CABCOCO1: variants seen among roughly 807,000 people sequenced by gnomAD.
CABCOCO1 encodes the protein ciliary-associated calcium-binding coiled-coil protein 1.
Under a neutral mutation model 35.7 loss-of-function variants are expected in CABCOCO1, and 28 were observed. The ratio of observed to expected loss-of-function variants is 0.78; its 90% CI spans 0.58 to 1.07. CABCOCO1 has a LOEUF of 1.07. Ranked by LOEUF, CABCOCO1 falls within the 50% of genes least tolerant of loss-of-function variation. CABCOCO1 has a pLI of 0.00. For synonymous variants in CABCOCO1, 95 were observed against 100.1 expected (o/e 0.95, Z 0.30); for missense variants, 326 against 309.2 (o/e 1.05, Z -0.41).
chr10:61,674,532 C>T (rs577648886), intron 2 of CABCOCO1, among the ~76,000 whole-genome samples: 1 of 152,244 alleles, frequency 6.6e-6, no homozygotes, highest in East Asian at 1.9e-4. Flanking sequence ...CGGTCACTCA[C>T]TTTCAATTTA....
intron 5 of CABCOCO1, among the ~76,000 whole-genome samples, chr10:61,703,906 G>C (rs1425664518): frequency 6.6e-6 from 1 of 152,086 alleles, no homozygotes; most frequent in African/African-American, 2.4e-5. Context: ...TAAGTTTTCT[G>C]TTGGTTTTAA....
intron 5 of CABCOCO1, among the ~76,000 whole-genome samples, chr10:61,737,664 C>T (rs199519141): frequency 1.8e-4 from 28 of 152,180 alleles, no homozygotes; most frequent in Middle Eastern, 6.8e-3. Flanking sequence ...GGAACGTGGT[C>T]GGAGCCAAAG....
chr10:61,704,710 T>G (rs1475632460), intron 5 of CABCOCO1, among the ~76,000 whole-genome samples: 1 of 152,152 alleles, frequency 6.6e-6, no homozygotes, highest in African/African-American at 2.4e-5. Context: ...ATTTGTTACA[T>G]AGCAATAGAT....
intron 7 of CABCOCO1, among the ~76,000 whole-genome samples, chr10:61,764,824 G>A (rs958396419): frequency 6.6e-6 from 1 of 151,974 alleles, no homozygotes; most frequent in African/African-American, 2.4e-5. Context: ...AGAATTGTTG[G>A]CACACATACG....
At chr10:61,688,545 G>C (rs1031851939) in intron 4 of CABCOCO1, among the ~76,000 whole-genome samples, 1 of 152,112 alleles carries the variant, frequency 6.6e-6, no homozygotes. Context: ...TACTTCTGCA[G>C]CTTTTTAGTA....
intron 5 of CABCOCO1, among the ~76,000 whole-genome samples, chr10:61,727,342 G>A (rs1841181115): frequency 6.6e-6 from 1 of 152,084 alleles, no homozygotes; most frequent in African/African-American, 2.4e-5. Context: ...AGAGAAAGAT[G>A]TATAAATTGT....
At chr10:61,697,624 A>G (rs1160325030) in intron 5 of CABCOCO1, among the ~76,000 whole-genome samples, 1 of 152,114 alleles carries the variant, frequency 6.6e-6, no homozygotes, top group Non-Finnish European at 1.5e-5. Context: ...GGGACATTTT[A>G]TTCTGTATAT....
intron 5 of CABCOCO1, chr10:61,701,877 A>G (rs1840467465): frequency 1.2e-5 from 11 of 886,362 alleles, no homozygotes; most frequent in Non-Finnish European, 1.5e-5. Flanking sequence ...CTAGCAAGAT[A>G]AAGAAGAGAT....
At position 61,680,724 on chromosome 10, in the gene CABCOCO1, A is replaced by AATG. The variant is rs1839761139; in HGVS notation, c.165-419_165-418insATG. 3.9e-5 allele frequency among the ~76,000 whole-genome samples: 4 copies of AATG among 103,712 alleles called. 1 individual carries two copies. The Admixed American group carries it at 4.1e-4, about 11-fold the overall frequency. 68.0% of individuals were successfully genotyped at this position (103,712 alleles called of 152,430 possible). ...TATGTTATACATGTATAACATATAT[A>AATG]TTATATATATAATATATATATCTCA... On this transcript the variant is annotated intron_variant, in intron 2 of 7. Transcript: ENST00000648843.
chr10:61,693,265 T>C (rs1840202524), intron 5 of CABCOCO1, among the ~76,000 whole-genome samples: 1 of 152,172 alleles, frequency 6.6e-6, no homozygotes, highest in Admixed American at 6.6e-5. Context: ...TAGAAGTGTT[T>C]GCTAACCCTT....
intron 5 of CABCOCO1, among the ~76,000 whole-genome samples, chr10:61,746,110 C>G (rs117647354): frequency 6.6e-6 from 1 of 152,160 alleles, no homozygotes; most frequent in Non-Finnish European, 1.5e-5. Flanking sequence ...TGGCCAGCAA[C>G]CTTAGCCCTT....
chr10:61,665,278 G>C (rs1453967326), intron 1 of CABCOCO1, among the ~76,000 whole-genome samples: 1 of 152,188 alleles, frequency 6.6e-6, no homozygotes, highest in Non-Finnish European at 1.5e-5. Context: ...TGAACAAGCA[G>C]ATATGAGATG....
intron 1 of CABCOCO1, among the ~76,000 whole-genome samples, chr10:61,671,947 T>A (rs1387991882): frequency 2.0e-5 from 3 of 152,232 alleles, no homozygotes; most frequent in African/African-American, 7.2e-5. Context: ...ATTTGTTGAA[T>A]CATTAAATTT....
intron 5 of CABCOCO1, among the ~76,000 whole-genome samples, chr10:61,745,331 T>C (rs1182037230): frequency 6.6e-6 from 1 of 152,172 alleles, no homozygotes; most frequent in Non-Finnish European, 1.5e-5. Context: ...ATACCACTTA[T>C]TCCTCTGGCT....
At position 61,729,686 on chromosome 10, in the gene CABCOCO1, T is replaced by C. The variant is rs186310971; in HGVS notation, c.553-30373T>C. On this transcript the variant is annotated intron_variant, in intron 5 of 7. Coordinates refer to ENST00000648843, the MANE Select transcript of CABCOCO1 (RefSeq NM_001366906.2). ...ACTCCTGTGTTCACCACAGCACTAT[T>C]CCCAATAGCCAAGATGTGGAAAACC... 3.2e-3 allele frequency among the ~76,000 whole-genome samples: 484 copies of C among 152,216 alleles called. 3 individuals are homozygous for C. The highest frequency in any genetic ancestry group is 3.7e-3 in the Non-Finnish European group (250 of 68,010).
chr10:61,706,120 A>G (rs1474984033), intron 5 of CABCOCO1, among the ~76,000 whole-genome samples: 1 of 152,242 alleles, frequency 6.6e-6, no homozygotes, highest in Non-Finnish European at 1.5e-5. Context: ...TAATAGTGTA[A>G]CGAAGTTACT....
chr10:61,668,366 G>C (rs1589107122), intron 1 of CABCOCO1, among the ~76,000 whole-genome samples: 1 of 151,856 alleles, frequency 6.6e-6, no homozygotes, highest in Non-Finnish European at 1.5e-5. Flanking sequence ...TCTTAAAAAT[G>C]AACTCTCTAT....
At chr10:61,755,785 G>A (rs901349151) in intron 5 of CABCOCO1, among the ~76,000 whole-genome samples, 5 of 151,996 alleles carry the variant, frequency 3.3e-5, no homozygotes, top group African/African-American at 9.6e-5. Flanking sequence ...CAATACATCA[G>A]AGCTCATACT....
At chr10:61,684,031 CATTCA>C (rs1839880011) in intron 3 of CABCOCO1, among the ~76,000 whole-genome samples, 1 of 151,980 alleles carries the variant, frequency 6.6e-6, no homozygotes, top group South Asian at 2.1e-4. Flanking sequence ...TCAGATTTTC[CATTCA>C]TTTATGAATT....
Sources: allele counts gnomAD v4.1 joint callset (sites outside exome capture counted in the v4.1 genomes callset), GRCh38; gene constraint gnomAD v4.1.1; transcripts MANE v1.5; gene names NCBI Gene and HGNC (gene_info 2026-07-23, HGNC 2026-07-21).